The following SLC9A9 variants were observed in gnomAD, a reference collection of about 807,000 sequenced individuals.
The protein encoded by SLC9A9 is solute carrier family 9 member A9.
A neutral mutation model predicts 77.8 loss-of-function variants in SLC9A9; 62 were observed. That is an observed-to-expected ratio of 0.80 (90% CI 0.65 to 0.98). The LOEUF is 0.98. Among genes scored for constraint, SLC9A9 ranks in the 50% least tolerant of loss-of-function variants. The pLI, the probability that SLC9A9 is intolerant of heterozygous loss-of-function variation, is 0.00. For missense variants in SLC9A9, 775 were observed against 774.9 expected (o/e 1.00, Z 0.00); for synonymous variants, 320 against 283.5 (o/e 1.13, Z -1.29).
chr3:143,439,461 G>A (rs537251785), intron 12 of SLC9A9, among the ~76,000 whole-genome samples: 32 of 149,108 alleles, frequency 2.1e-4, no homozygotes, highest in East Asian at 5.8e-4. Flanking sequence ...GGAAAGGACC[G>A]TGGAGAAGAA....
intron 6 of SLC9A9, among the ~76,000 whole-genome samples, chr3:143,607,481 T>C (rs147718185): frequency 1.4e-3 from 217 of 152,248 alleles, no homozygotes; most frequent in African/African-American, 4.9e-3. Flanking sequence ...ATTGATAGCA[T>C]AAATAACGGA....
In SLC9A9 at chr3:143,405,551, G is replaced by A. The variant is rs2033959733; in HGVS notation, c.1470-23437C>T. On this transcript the variant is annotated intron_variant, in intron 12 of 15. Coordinates refer to ENST00000316549, the MANE Select transcript of SLC9A9 (RefSeq NM_173653.4). ...AGTAGAAGCTGAAAAGGTGGTGATTGGGTCCCCAATATTCTCAGCCTGCTG... is the reference window on the plus strand; with the variant it reads ...AGTAGAAGCTGAAAAGGTGGTGATTAGGTCCCCAATATTCTCAGCCTGCTG... 1.3e-5 allele frequency among the ~76,000 whole-genome samples: 2 copies of A among 152,144 alleles called. 1 individual carries two copies. The highest frequency in any genetic ancestry group is 4.1e-4 in the South Asian group (2 of 4,822).
At chr3:143,371,262 C>T (rs2033052111) in intron 13 of SLC9A9, among the ~76,000 whole-genome samples, 1 of 152,098 alleles carries the variant, frequency 6.6e-6, no homozygotes, top group African/African-American at 2.4e-5. Context: ...CAAAAGTCAG[C>T]TATTCTATTG....
intron 4 of SLC9A9, among the ~76,000 whole-genome samples, chr3:143,759,181 C>T (rs2007029080): frequency 2.0e-5 from 3 of 152,048 alleles, no homozygotes; most frequent in Admixed American, 2.0e-4. Context: ...AGCCTCCTTC[C>T]CCATCTAACA....
At chr3:143,656,353 T>A (rs1208037679) in intron 5 of SLC9A9, among the ~76,000 whole-genome samples, 2 of 152,248 alleles carry the variant, frequency 1.3e-5, no homozygotes, top group Non-Finnish European at 2.9e-5. Flanking sequence ...TCAAAGATGA[T>A]AACCACACCT....
chr3:143,706,219 C>A (rs897491173), intron 4 of SLC9A9, among the ~76,000 whole-genome samples: 1 of 152,080 alleles, frequency 6.6e-6, no homozygotes, highest in Non-Finnish European at 1.5e-5. Context: ...AAAAAGAAAC[C>A]CTTCTCTAGT....
intron 12 of SLC9A9, among the ~76,000 whole-genome samples, chr3:143,418,267 C>T (rs373873654): frequency 6.6e-6 from 1 of 151,516 alleles, no homozygotes; most frequent in Admixed American, 6.6e-5. Flanking sequence ...CTCGCTGTGC[C>T]TTAGTTTTCT....
At chr3:143,516,034 G>C (rs2036197451) in intron 9 of SLC9A9, among the ~76,000 whole-genome samples, 1 of 152,172 alleles carries the variant, frequency 6.6e-6, no homozygotes, top group Admixed American at 6.5e-5. Context: ...TGGATTTTTA[G>C]CTACTGACTC....
intron 4 of SLC9A9, among the ~76,000 whole-genome samples, chr3:143,711,030 T>C (rs1451130350): frequency 6.6e-6 from 1 of 152,360 alleles, no homozygotes; most frequent in Non-Finnish European, 1.5e-5. Flanking sequence ...TACTCTTTGA[T>C]TGATGGTTTT....
chr3:143,634,314 T>G (rs555034915), intron 6 of SLC9A9, among the ~76,000 whole-genome samples: 14 of 152,338 alleles, frequency 9.2e-5, no homozygotes, highest in Admixed American at 9.2e-4. Flanking sequence ...CCAAGTGTTT[T>G]CTTCTTCAAA....
intron 11 of SLC9A9, 49 bp from the exon 12 acceptor site, chr3:143,467,239 T>C (rs2108569477): frequency 5.0e-6 from 8 of 1,608,690 alleles, no homozygotes; most frequent in Non-Finnish European, 5.1e-6. Flanking sequence ...AGGTGTCTTT[T>C]TCATTTCAAT....
chr3:143,368,285 T>C (rs2032962272), intron 13 of SLC9A9, among the ~76,000 whole-genome samples: 1 of 152,180 alleles, frequency 6.6e-6, no homozygotes, highest in Non-Finnish European at 1.5e-5. Flanking sequence ...TACTCTGTTT[T>C]GTGCTTATTT....
Position 143,266,788 on chromosome 3 carries a change from T to C in SLC9A9, c.1852A>G (p.Lys618Glu), listed in dbSNP as rs776027229. Residue 618 changes from lysine (K) to glutamate (E), a missense_variant, in exon 16 of 16, where the codon AAG becomes GAG. Coordinates refer to ENST00000316549, the MANE Select transcript of SLC9A9 (RefSeq NM_173653.4). ...AGGTCTCCCTCATAAATGTTTTCCT[T>C]GCCTGGCGTCTGGGGTGAAGCTTTC... ...DQKASPQTPG[K>E]ENIYEGDLGL... 79 of 1,614,108 alleles carry C rather than the reference T, an allele frequency of 4.9e-5. No homozygotes were observed. The highest frequency in any genetic ancestry group is 4.1e-5 in the Non-Finnish European group (48 of 1,180,050).
rs2034902470 is a variant in SLC9A9 at position 143,448,962 on chromosome 3, A to G, written c.1469+18075T>C. Among the ~76,000 whole-genome samples the G allele has an allele frequency of 1.8e-4, 2 of 10,946 alleles. 1 individual carries two copies. The allele number at this position is 10,946 out of a possible 152,430, so 7.2% of individuals were successfully genotyped here. ...ATGATATATAATATATAATATAATT[A>G]TATAAATATAATTATATAAAAATAA... is the stretch of plus-strand genomic sequence containing the variant. On this transcript the variant is annotated intron_variant, in intron 12 of 15. Transcript: ENST00000316549.
chr3:143,710,850 T>C (rs1934124172), intron 4 of SLC9A9, among the ~76,000 whole-genome samples: 1 of 152,220 alleles, frequency 6.6e-6, no homozygotes, highest in African/African-American at 2.4e-5. Flanking sequence ...TCTTCAGCCA[T>C]AGCATTTGGA....
At chr3:143,786,906 T>A (rs949302067) in intron 4 of SLC9A9, among the ~76,000 whole-genome samples, 1 of 151,678 alleles carries the variant, frequency 6.6e-6, no homozygotes, top group East Asian at 1.9e-4. Flanking sequence ...AGCCCAGACG[T>A]AGGCTCCAGG....
At chr3:143,341,691 G>A (rs879285351) in intron 14 of SLC9A9, among the ~76,000 whole-genome samples, 7 of 152,040 alleles carry the variant, frequency 4.6e-5, no homozygotes, top group Non-Finnish European at 7.4e-5. Flanking sequence ...AAATGACTCC[G>A]ATATGCAAAT....
intron 11 of SLC9A9, among the ~76,000 whole-genome samples, chr3:143,470,639 A>T (rs898448186): frequency 5.3e-5 from 8 of 152,230 alleles, no homozygotes; most frequent in Admixed American, 3.9e-4. Context: ...GTTCTCATTG[A>T]TATAAATATT....
Position 143,407,821 on chromosome 3 carries a change from A to C in SLC9A9, c.1470-25707T>G, listed in dbSNP as rs1332162590. Among the ~76,000 whole-genome samples, 4 of 152,202 alleles carry C rather than the reference A, an allele frequency of 2.6e-5. No homozygotes were observed. The East Asian group carries it at 7.7e-4, about 29-fold the overall frequency. ...TGAAATTTTAATATGCATACTCATT[A>C]CCTGAGGATCTTGTTAGGATAAAGA... On this transcript the variant is annotated intron_variant, in intron 12 of 15. Coordinates refer to ENST00000316549, the MANE Select transcript of SLC9A9 (RefSeq NM_173653.4).
Sources: gnomAD v4.1 joint callset for allele counts (sites outside exome capture counted in the v4.1 genomes callset) on GRCh38, gnomAD v4.1.1 for gene constraint, MANE v1.5 for transcripts, NCBI Gene and HGNC (gene_info 2026-07-23, HGNC 2026-07-21) for gene names.